CACNA1G: variants seen among roughly 807,000 people sequenced by gnomAD.
CACNA1G encodes calcium voltage-gated channel subunit alpha1 G, also known as voltage-dependent T-type calcium channel subunit alpha-1G.
CACNA1G carries 67 observed loss-of-function variants against 219.4 expected under a neutral mutation model. That is an observed-to-expected ratio of 0.31 (90% CI 0.25 to 0.37). The LOEUF (loss-of-function observed/expected upper bound fraction) is 0.37. CACNA1G is among the 10% of genes least tolerant of loss of function. The pLI, the probability that CACNA1G is intolerant of heterozygous loss-of-function variation, is 1.00. For missense variants in CACNA1G, 2,380 were observed against 3,231.4 expected (o/e 0.74, Z 6.39); for synonymous variants, 1,296 against 1,345.3 (o/e 0.96, Z 0.80).
chr17:50,570,408 T>C (rs2039116013), intron 4 of CACNA1G, among the ~76,000 whole-genome samples: 1 of 152,174 alleles, frequency 6.6e-6, no homozygotes, highest in South Asian at 2.1e-4. Flanking sequence ...CCCCTCCCTT[T>C]GCTCAGGCCC....
intron 26 of CACNA1G, 40 bp downstream of exon 26, chr17:50,609,975 T>G (rs1182115483): frequency 1.9e-6 from 3 of 1,564,972 alleles, no homozygotes; most frequent in East Asian, 2.2e-5. Context: ...TGTGGGGACA[T>G]GCTCTTCACT....
chr17:50,623,870 C>T (rs1242172313), intron 35 of CACNA1G, 37 bp from the exon 36 acceptor site: 2 of 1,589,186 alleles, frequency 1.3e-6, no homozygotes, highest in South Asian at 2.2e-5. Context: ...CCACGCACAC[C>T]CTCTTCCTCC....
chr17:50,621,558 A>G lies in CACNA1G; in HGVS notation c.5926-102A>G, dbSNP rs980344563. On this transcript the variant is annotated intron_variant, in intron 34 of 37. Coordinates refer to ENST00000359106, the MANE Select transcript of CACNA1G (RefSeq NM_018896.5). The surrounding 1 kb of genome is among the most constrained non-coding windows in gnomAD (Gnocchi z 4.6). ...TTTTCCCGCCCCCCTGTGCTTCGTG[A>G]AAAGGGGGAAGTGGGGACTGAGAGA... is the stretch of plus-strand genomic sequence containing the variant. 6 of 1,327,918 alleles carry G rather than the reference A, an allele frequency of 4.5e-6. No homozygotes were observed. In the African/African-American group the frequency reaches 8.7e-5, roughly 19 times the overall value. The allele number at this position is 1,327,918 out of a possible 1,614,324, so 82.3% of individuals were successfully genotyped here. A position where few individuals can be genotyped will look rare whatever the true frequency, so the allele number is the denominator to read the frequency against.
rs59380165 is a variant in CACNA1G at position 50,597,022 on chromosome 17, G to T, written c.3258+99G>T. ...AGGCGGGTCCAAGGGCACAGCCCCT[G>T]CCCCATGGGCTGGATGGGGCCTGGG... On this transcript the variant is annotated intron_variant, in intron 16 of 37. Transcript: ENST00000359106. The T allele has an allele frequency of 5.9e-4, 673 of 1,146,198 alleles. 9 individuals carry two copies. In the African/African-American group the frequency reaches 9.9e-3, roughly 17 times the overall value. 71.0% of individuals were successfully genotyped at this position (1,146,198 alleles called of 1,614,324 possible).
chr17:50,578,107 C>T lies in CACNA1G; in HGVS notation c.1925-81C>T. On this transcript the variant is annotated intron_variant, in intron 8 of 37. Coordinates refer to ENST00000359106, the MANE Select transcript of CACNA1G (RefSeq NM_018896.5). The surrounding 1 kb of genome is among the most constrained non-coding windows in gnomAD (Gnocchi z 4.5). ...ACTGTAACAACCCCAGACTCCCTGA[C>T]TCATTTTACACATACTCACAGGGCA... 4 of 1,460,368 alleles carry T rather than the reference C, an allele frequency of 2.7e-6. No individual in the cohort carries two copies. The highest frequency in any genetic ancestry group is 2.8e-5 in the African/African-American group (2 of 70,874). The allele number at this position is 1,460,368 out of a possible 1,614,324, so 90.5% of individuals were successfully genotyped here. A position where few individuals can be genotyped will look rare whatever the true frequency, so the allele number is the denominator to read the frequency against.
In CACNA1G at chr17:50,600,154, C is replaced by A. The variant is rs571374007; in HGVS notation, c.3690+295C>A. On this transcript the variant is annotated intron_variant, in intron 17 of 37. Transcript: ENST00000359106. This position sits in a 1 kb window ranked among gnomAD's most constrained non-coding sequence, Gnocchi z 4.1. ...CCTCCCCCTGTGACTCAGAAAGACC[C>A]ATCACTCATCTCTCCAAACTGATGC... Among the ~76,000 whole-genome samples, 1 of 152,172 alleles carries A rather than the reference C, an allele frequency of 6.6e-6. No individual in the cohort carries two copies. Among genetic ancestry groups the A allele is most frequent in the Non-Finnish European group, 1.5e-5 (1 of 68,024 alleles).
At chr17:50,608,901 G>A (rs774385278) in intron 25 of CACNA1G, among the ~76,000 whole-genome samples, 6 of 152,152 alleles carry the variant, frequency 3.9e-5, no homozygotes, top group Non-Finnish European at 8.8e-5. Context: ...CGTAATCTCC[G>A]CGCCTCTCTC....
At chr17:50,577,421 A>G (rs2040929705) in intron 8 of CACNA1G, among the ~76,000 whole-genome samples, 1 of 149,516 alleles carries the variant, frequency 6.7e-6, no homozygotes, top group East Asian at 2.0e-4. Context: ...GTCTTGGGCT[A>G]GGTCCCTGAG....
At chr17:50,602,772 A>G (rs1259389308) in intron 19 of CACNA1G, 48 bp from the exon 20 acceptor site, 2 of 1,583,684 alleles carry the variant, frequency 1.3e-6, no homozygotes, top group Non-Finnish European at 1.7e-6. Flanking sequence ...ACCTGGCCCA[A>G]GGGTGGGGGC....
In CACNA1G at chr17:50,626,384, G is replaced by A. The variant is rs59050469; in HGVS notation, c.6767G>A (p.Arg2256His). ...AGCGTGGAGGCCCAGAGCTGCCAGC[G>A]CCGGCCTACGTCCTGGCTGGATGAG... Reference protein sequence around the residue: ...CYSVEAQSCQRRPTSWLDEQR... With the variant: ...CYSVEAQSCQHRPTSWLDEQR... Residue 2256 changes from arginine to histidine, a missense_variant, in exon 38 of 38, where the codon CGC (arginine) becomes CAC (histidine). This residue lies in a region of CACNA1G where 672 missense variants were observed against 670.5 expected (regional missense o/e 1.00). Coordinates refer to ENST00000359106, the MANE Select transcript of CACNA1G (RefSeq NM_018896.5). The surrounding 1 kb of genome is among the most constrained non-coding windows in gnomAD (Gnocchi z 4.3). 1.1e-5 allele frequency: 18 copies of A among 1,611,674 alleles called. 1 individual carries two copies. Among genetic ancestry groups the A allele is most frequent in the Admixed American group, 5.0e-5 (3 of 59,926 alleles).
In CACNA1G at chr17:50,616,401, G is replaced by A. The variant is rs773845029; in HGVS notation, c.5021+17G>A. ...CCAGGACAGGTAACGGAGAAAAGGG[G>A]GGTCTTGGGGACTTGCGTAGAGATA... is the stretch of plus-strand genomic sequence containing the variant. On this transcript the variant is annotated intron_variant, in intron 28 of 37. Transcript: ENST00000359106. The A allele has an allele frequency of 1.1e-4, 153 of 1,453,304 alleles. 3 individuals carry two copies. The South Asian group carries it at 1.8e-3, about 17-fold the overall frequency. The allele number at this position is 1,453,304 out of a possible 1,614,324, so 90.0% of individuals were successfully genotyped here.
rs1239292322 is a variant in CACNA1G, at chr17:50,626,691, A to G, written c.7074A>G (p.Pro2358=). The G allele has an allele frequency of 1.9e-6, 3 of 1,612,668 alleles. No homozygotes were observed. Among genetic ancestry groups the G allele is most frequent in the Non-Finnish European group, 2.5e-6 (3 of 1,179,774 alleles). The stretch of plus-strand genomic sequence containing the variant: ...ACAGCATGGCTGCCTCGCCCTCCCC[A>G]AAGAAAGATGTGCTGAGTCTCTCCG... ...PPDSMAASPS[P]KKDVLSLSGL... is the part of the protein sequence containing the mutation. The change falls in exon 38 of 38, where the codon CCA becomes CCG. Residue 2358 remains proline (P), a synonymous_variant. Transcript: ENST00000359106. This position sits in a 1 kb window ranked among gnomAD's most constrained non-coding sequence, Gnocchi z 4.3.
rs201894362 is a variant in CACNA1G at position 50,576,197 on chromosome 17, C to T, written c.1795C>T (p.Pro599Ser). The T allele has an allele frequency of 2.5e-6, 4 of 1,609,736 alleles. No individual in the cohort carries two copies. The highest frequency in any genetic ancestry group is 1.1e-5 in the South Asian group (1 of 90,104). Residue 599 changes from proline to serine, a missense_variant, in exon 8 of 38, where the codon CCG (proline) becomes TCG (serine). Pro to Ser is a moderately conservative substitution (Grantham distance 74, BLOSUM62 -1). This residue lies in a region of CACNA1G where 434 missense variants were observed against 417.3 expected (regional missense o/e 1.04). Coordinates refer to ENST00000359106, the MANE Select transcript of CACNA1G (RefSeq NM_018896.5). ...VYPTVHTSPP[P>S]ETLKEKALVE... is the part of the protein sequence containing the mutation. ...TCCCACCGTGCACACCAGCCCTCCA[C>T]CGGAGACGCTGAAGGAGAAGGCACT...
In CACNA1G at chr17:50,626,512, G is replaced by T; in HGVS notation, c.6895G>T (p.Gly2299Trp). ...TGGGGGCCAGCCTCTTGGGGGGCCT[G>T]GGAGCCGGCCCAAGAAAAAACTCAG... ...NLGGQPLGGP[G>W]SRPKKKLSPP... Residue 2299 changes from glycine to tryptophan, a missense_variant, in exon 38 of 38, where the codon GGG becomes TGG. Physicochemically the swap from Gly to Trp is radical, Grantham distance 184. This residue lies in a region of CACNA1G where 672 missense variants were observed against 670.5 expected (regional missense o/e 1.00). Coordinates refer to ENST00000359106, the MANE Select transcript of CACNA1G (RefSeq NM_018896.5). The surrounding 1 kb of genome is among the most constrained non-coding windows in gnomAD (Gnocchi z 4.3). 1 of 1,576,440 alleles carries T rather than the reference G, an allele frequency of 6.3e-7. No homozygotes were observed. The highest frequency in any genetic ancestry group is 2.3e-5 in the East Asian group (1 of 43,664).
chr17:50,576,082 C>T lies in CACNA1G; in HGVS notation c.1680C>T (p.Asp560=). 6.3e-7 allele frequency: 1 copy of T among 1,590,104 alleles called. No homozygotes were observed. The highest frequency in any genetic ancestry group is 8.6e-7 in the Non-Finnish European group (1 of 1,169,482). The part of the protein sequence containing the change: ...AESVHSFYHA[D]CHLEPVRCQA... ...CTGTGCACAGCTTCTACCATGCCGA[C>T]TGCCACTTAGAGCCAGTCCGCTGCC... The change falls in exon 8 of 38, where the codon GAC becomes GAT. Residue 560 remains aspartate, a synonymous_variant. Coordinates refer to ENST00000359106, the MANE Select transcript of CACNA1G (RefSeq NM_018896.5).
chr17:50,607,187 A>G, intron 24 of CACNA1G, 198 bp downstream of exon 24: 1 of 643,500 alleles, frequency 1.6e-6, no homozygotes, highest in Non-Finnish European at 2.9e-6. Context: ...ACATGTTTTG[A>G]ATTAGTGATG....
rs1262561222 is a variant in CACNA1G, at chr17:50,618,683, C to T, written c.5456C>T (p.Ser1819Phe). ...KDTLRDCDQESTCYNTVISPI... is the reference protein window; with the variant it reads ...KDTLRDCDQEFTCYNTVISPI... The stretch of plus-strand genomic sequence containing the variant: ...ACCCTCCGGGACTGTGACCAGGAGT[C>T]CACCTGCTACAACACGGTCATCTCG... The change falls in exon 33 of 38, where the codon TCC (serine) becomes TTC (phenylalanine). Residue 1819 changes from serine to phenylalanine, a missense_variant. Transcript: ENST00000359106. The surrounding 1 kb of genome is among the most constrained non-coding windows in gnomAD (Gnocchi z 5.3). The T allele has an allele frequency of 6.8e-6, 11 of 1,613,642 alleles. No individual in the cohort carries two copies. The highest frequency in any genetic ancestry group is 9.3e-6 in the Non-Finnish European group (11 of 1,179,616).
At chr17:50,572,098 C>G in intron 5 of CACNA1G, 61 bp downstream of exon 5, 4 of 1,534,380 alleles carry the variant, frequency 2.6e-6, no homozygotes, top group Non-Finnish European at 3.6e-6. Context: ...GGCACCCCCC[C>G]AAGTTCCTCA....
At chr17:50,577,324 CG>C (rs1224368541) in intron 8 of CACNA1G, among the ~76,000 whole-genome samples, 1 of 151,934 alleles carries the variant, frequency 6.6e-6, no homozygotes, top group African/African-American at 2.4e-5. Flanking sequence ...AGGCCCTGAG[CG>C]GGGGGCTTCC....
Sources: gnomAD v4.1 joint callset for allele counts (sites outside exome capture counted in the v4.1 genomes callset) on GRCh38, gnomAD v4.1.1 for gene constraint, gnomAD v4.1.1 regional missense constraint, Gnocchi (gnomAD v3.1) non-coding constraint, MANE v1.5 for transcripts, NCBI Gene and HGNC (gene_info 2026-07-23, HGNC 2026-07-21) for gene names.